The following NUP98 variants were observed in gnomAD, a reference collection of about 807,000 sequenced individuals.
NUP98 encodes nucleoporin 98 and 96 precursor, also known as nuclear pore complex protein Nup98-Nup96.
Under a neutral mutation model 191.9 loss-of-function variants are expected in NUP98, and 26 were observed. That is an observed-to-expected ratio of 0.14 (90% CI 0.10 to 0.19). The LOEUF is 0.19. Among genes scored for constraint, NUP98 ranks in the 10% least tolerant of loss-of-function variants. NUP98 has a pLI of 1.00. For missense variants in NUP98, 1,941 were observed against 2,178.8 expected (o/e 0.89, Z 2.17); for synonymous variants, 808 against 778.4 (o/e 1.04, Z -0.63).
chr11:3,748,635 T>C (rs140315089), intron 11 of NUP98, among the ~76,000 whole-genome samples: 1 of 152,264 alleles, frequency 6.6e-6, no homozygotes, highest in East Asian at 1.9e-4. Context: ...TGAAACCCCA[T>C]CTCTATTAAA....
chr11:3,794,160 G>A (rs546387560), intron 1 of NUP98, among the ~76,000 whole-genome samples: 1 of 152,068 alleles, frequency 6.6e-6, no homozygotes, highest in Admixed American at 6.6e-5. Flanking sequence ...GAGCCCCCAC[G>A]ATAATTATCT....
chr11:3,776,153 GCT>G, intron 4 of NUP98, 132 bp from the exon 5 acceptor site: 1 of 627,896 alleles, frequency 1.6e-6, no homozygotes, highest in South Asian at 2.0e-5. Context: ...ACAGGGTCTT[GCT>G]CTGTCTCCTA....
intron 26 of NUP98, among the ~76,000 whole-genome samples, chr11:3,693,862 A>G (rs2134068240): frequency 6.6e-6 from 1 of 152,350 alleles, no homozygotes; most frequent in East Asian, 1.9e-4. Flanking sequence ...TATAAGAGGT[A>G]GGCAGTGATA....
At chr11:3,745,575 T>G (rs1356155645) in intron 11 of NUP98, among the ~76,000 whole-genome samples, 1 of 152,104 alleles carries the variant, frequency 6.6e-6, no homozygotes, top group East Asian at 1.9e-4. Flanking sequence ...TCCATTCAAT[T>G]TCCCACCATA....
intron 27 of NUP98, among the ~76,000 whole-genome samples, chr11:3,692,301 G>C (rs1442016587): frequency 3.4e-5 from 5 of 148,558 alleles, no homozygotes; most frequent in African/African-American, 1.2e-4. Flanking sequence ...TTGGGTGACA[G>C]ACTGAGACCT....
intron 14 of NUP98, among the ~76,000 whole-genome samples, chr11:3,727,439 G>A (rs1316220270): frequency 1.3e-5 from 2 of 152,146 alleles, no homozygotes; most frequent in Admixed American, 6.6e-5. Flanking sequence ...CACTACTGAG[G>A]CATGTGGAAA....
At chr11:3,694,076 CAA>C (rs35430290) in intron 26 of NUP98, among the ~76,000 whole-genome samples, 4 of 110,690 alleles carry the variant, frequency 3.6e-5, no homozygotes, top group Non-Finnish European at 4.0e-5. Context: ...ATTAAAAATA[CAA>C]AAAAAAAAAA....
chr11:3,706,971 C>T (rs1032226192), intron 20 of NUP98, among the ~76,000 whole-genome samples: 3 of 152,222 alleles, frequency 2.0e-5, no homozygotes, highest in Admixed American at 6.5e-5. Flanking sequence ...TTCTGATTTA[C>T]ACAGGGTCAC....
At chr11:3,786,599 CAAG>C (rs1204593838) in intron 1 of NUP98, among the ~76,000 whole-genome samples, 2 of 152,162 alleles carry the variant, frequency 1.3e-5, no homozygotes, top group African/African-American at 2.4e-5. Flanking sequence ...TTCTCAGATA[CAAG>C]AAGTAGCCTT....
intron 28 of NUP98, among the ~76,000 whole-genome samples, chr11:3,688,756 C>T (rs1373019434): frequency 2.7e-5 from 4 of 148,656 alleles, no homozygotes; most frequent in Non-Finnish European, 4.5e-5. Flanking sequence ...GATCACGCCA[C>T]TGCACTCTAG....
chr11:3,693,710 A>C (rs2078396995), intron 26 of NUP98, among the ~76,000 whole-genome samples: 1 of 152,192 alleles, frequency 6.6e-6, no homozygotes, highest in Admixed American at 6.5e-5. Flanking sequence ...TTAATCAATC[A>C]ATCAGTACTC....
At chr11:3,718,487 G>C (rs893235628) in intron 18 of NUP98, among the ~76,000 whole-genome samples, 6 of 151,918 alleles carry the variant, frequency 3.9e-5, no homozygotes, top group Non-Finnish European at 8.8e-5. Context: ...AGTAAGCTGA[G>C]ACTATACCAC....
At chr11:3,683,170 A>T in intron 30 of NUP98, 30 bp downstream of exon 30, 1 of 1,612,316 alleles carries the variant, frequency 6.2e-7, no homozygotes, top group South Asian at 1.1e-5. Context: ...ATTTGGGGTG[A>T]TTCCAGGAGA....
At chr11:3,757,455 C>T (rs1235469390) in intron 10 of NUP98, among the ~76,000 whole-genome samples, 16 of 151,236 alleles carry the variant, frequency 1.1e-4, no homozygotes, top group South Asian at 2.1e-4. Flanking sequence ...CCACTACACT[C>T]GAGCCTGGGA....
At chr11:3,774,115 G>A (rs918546226) in intron 5 of NUP98, among the ~76,000 whole-genome samples, 25 of 152,042 alleles carry the variant, frequency 1.6e-4, no homozygotes, top group African/African-American at 4.8e-4. Flanking sequence ...AAAAAATACG[G>A]AGGGCCAGGA....
chr11:3,716,081 T>C (rs199845043), intron 18 of NUP98, among the ~76,000 whole-genome samples: 2 of 152,354 alleles, frequency 1.3e-5, no homozygotes, highest in South Asian at 2.1e-4. Context: ...CAGTTTGATA[T>C]AGTGTCATTT....
At chr11:3,787,592 C>T (rs948202637) in intron 1 of NUP98, among the ~76,000 whole-genome samples, 1 of 151,874 alleles carries the variant, frequency 6.6e-6, no homozygotes, top group Non-Finnish European at 1.5e-5. Flanking sequence ...AAAAGAACAT[C>T]ATACCCTCTC....
chr11:3,775,738 C>A (rs1398461150), intron 5 of NUP98, 144 bp downstream of exon 5: 13 of 666,714 alleles, frequency 1.9e-5, no homozygotes, highest in Non-Finnish European at 2.8e-5. Flanking sequence ...GTCTACTATA[C>A]AACTATTTAT....
At chr11:3,687,720 TAA>T (rs2078171571) in intron 28 of NUP98, among the ~76,000 whole-genome samples, 1 of 152,262 alleles carries the variant, frequency 6.6e-6, no homozygotes, top group Non-Finnish European at 1.5e-5. Flanking sequence ...TACAGATATT[TAA>T]AATGGTTAAT....
Sources: gnomAD v4.1 joint callset for allele counts (sites outside exome capture counted in the v4.1 genomes callset) on GRCh38, gnomAD v4.1.1 for gene constraint, MANE v1.5 for transcripts, NCBI Gene and HGNC (gene_info 2026-07-23, HGNC 2026-07-21) for gene names.